The following PREX2 variants were observed in gnomAD, a reference collection of about 807,000 sequenced individuals.
PREX2 encodes phosphatidylinositol 3,4,5-trisphosphate-dependent Rac exchanger 2 protein.
PREX2 carries 107 observed loss-of-function variants against 203.2 expected under a neutral mutation model. That is an observed-to-expected ratio of 0.53 (90% CI 0.45 to 0.62). The LOEUF (loss-of-function observed/expected upper bound fraction) is 0.62. Among genes scored for constraint, PREX2 ranks in the 20% least tolerant of loss-of-function variants. PREX2 has a pLI of 0.00. For missense variants in PREX2, 1,777 were observed against 1,955.9 expected (o/e 0.91, Z 1.72); for synonymous variants, 672 against 663.6 (o/e 1.01, Z -0.19).
chr8:68,105,548 C>T (rs1475995693), intron 23 of PREX2: 3 of 1,117,472 alleles, frequency 2.7e-6, no homozygotes, highest in Non-Finnish European at 3.3e-6. Flanking sequence ...TTCTTGACAT[C>T]ACCCTATTCA....
At chr8:67,996,521 C>T (rs11785903) in intron 1 of PREX2, among the ~76,000 whole-genome samples, 74,726 of 151,844 alleles carry the variant, frequency 0.49, 18,750 homozygotes, top group South Asian at 0.61. Flanking sequence ...AGGTGTTCTT[C>T]ATATATTCTA....
intron 39 of PREX2, among the ~76,000 whole-genome samples, chr8:68,225,740 TTAATG>T (rs1251647426): frequency 1.3e-5 from 2 of 152,236 alleles, no homozygotes; most frequent in Admixed American, 1.3e-4. Context: ...TGAAGTTTTG[TTAATG>T]TCGTCTTTCA....
chr8:68,115,860 T>C lies in PREX2; in HGVS notation c.3254T>C (p.Val1085Ala). Residue 1085 changes from valine to alanine, a missense_variant, in exon 26 of 40, where the codon GTA becomes GCA. Val to Ala is a moderately conservative substitution (Grantham distance 64). Transcript: ENST00000288368. ...AAGGGAGAAAGAAACAGCAAACGGGTATGTTTTAATGTAGCAGGAGATGAA... is the reference window on the plus strand; with the variant it reads ...AAGGGAGAAAGAAACAGCAAACGGGCATGTTTTAATGTAGCAGGAGATGAA... ...NEKGERNSKR[V>A]CFNVAGDEQE... 6.2e-7 allele frequency: 1 copy of C among 1,613,920 alleles called. No individual in the cohort carries two copies. The highest frequency in any genetic ancestry group is 8.5e-7 in the Non-Finnish European group (1 of 1,179,902).
intron 1 of PREX2, among the ~76,000 whole-genome samples, chr8:67,974,344 A>G (rs1158332530): frequency 6.6e-6 from 1 of 152,202 alleles, no homozygotes; most frequent in Non-Finnish European, 1.5e-5. Flanking sequence ...GAGAGAAAAA[A>G]AGTAAAAGAA....
At chr8:68,130,883 A>G (rs897163262) in intron 31 of PREX2, among the ~76,000 whole-genome samples, 5 of 152,170 alleles carry the variant, frequency 3.3e-5, no homozygotes, top group African/African-American at 1.2e-4. Context: ...GGAGAGGGGA[A>G]TTTCACAAGG....
Position 68,053,176 on chromosome 8 carries a change from T to C in PREX2, c.1023T>C (p.Cys341=). 1.2e-6 allele frequency: 2 copies of C among 1,613,778 alleles called. No individual in the cohort carries two copies. Among genetic ancestry groups the C allele is most frequent in the Non-Finnish European group, 1.7e-6 (2 of 1,179,764 alleles). ...CAGCAAAAAATAAATGGTTTGTTTGTATGGCAAAAACACCTGAAGAGAAGC... is the reference window on the plus strand; with the variant it reads ...CAGCAAAAAATAAATGGTTTGTTTGCATGGCAAAAACACCTGAAGAGAAGC... ...HNTAKNKWFV[C]MAKTPEEKHE... is the part of the protein sequence containing the mutation. Residue 341 remains cysteine (C), a synonymous_variant, in exon 9 of 40, where the codon TGT becomes TGC. Transcript: ENST00000288368.
chr8:68,151,617 A>C (rs1811436619), intron 34 of PREX2, among the ~76,000 whole-genome samples: 1 of 152,080 alleles, frequency 6.6e-6, no homozygotes, highest in South Asian at 2.1e-4. Flanking sequence ...TATATAGTGA[A>C]TATAAAGTGT....
intron 33 of PREX2, among the ~76,000 whole-genome samples, chr8:68,140,753 T>G (rs1811213367): frequency 6.6e-6 from 1 of 152,198 alleles, no homozygotes; most frequent in African/African-American, 2.4e-5. Flanking sequence ...GATAATGTAT[T>G]TGAAAGACTC....
chr8:68,189,268 G>A (rs1432434720), intron 35 of PREX2, among the ~76,000 whole-genome samples: 1 of 152,188 alleles, frequency 6.6e-6, no homozygotes, highest in African/African-American at 2.4e-5. Context: ...AAAACGTCCA[G>A]TCTTCTGGCA....
At chr8:67,999,328 C>G (rs1319216996) in intron 1 of PREX2, among the ~76,000 whole-genome samples, 2 of 151,908 alleles carry the variant, frequency 1.3e-5, no homozygotes, top group Non-Finnish European at 2.9e-5. Flanking sequence ...CCATCAAAGA[C>G]TACTGTGAAT....
intron 25 of PREX2, among the ~76,000 whole-genome samples, chr8:68,112,288 G>A (rs993843836): frequency 6.6e-6 from 1 of 152,156 alleles, no homozygotes; most frequent in Non-Finnish European, 1.5e-5. Flanking sequence ...CAAGAAATAA[G>A]TAAAAGGAAA....
chr8:68,067,628 A>T (rs563941159), intron 11 of PREX2, among the ~76,000 whole-genome samples: 2 of 151,910 alleles, frequency 1.3e-5, no homozygotes, highest in East Asian at 1.9e-4. Flanking sequence ...TTTTGGTGGA[A>T]GTTATATGGT....
intron 34 of PREX2, among the ~76,000 whole-genome samples, chr8:68,155,782 A>G (rs1811531505): frequency 6.6e-6 from 1 of 152,096 alleles, no homozygotes; most frequent in Admixed American, 6.6e-5. Flanking sequence ...CCTGTGATTT[A>G]TTTCCTCTCC....
At chr8:68,129,394 C>T (rs1810958147) in intron 31 of PREX2, among the ~76,000 whole-genome samples, 1 of 152,006 alleles carries the variant, frequency 6.6e-6, no homozygotes, top group South Asian at 2.1e-4. Flanking sequence ...GCTTTATTTG[C>T]TCACCCTCTC....
At chr8:68,082,935 T>C (rs929870354) in intron 17 of PREX2, 3 of 212,472 alleles carry the variant, frequency 1.4e-5, no homozygotes, top group Non-Finnish European at 1.9e-5. Context: ...TTGATTATAG[T>C]TAAAAGGATG....
At chr8:68,150,799 G>A (rs188740364) in intron 34 of PREX2, among the ~76,000 whole-genome samples, 43 of 152,228 alleles carry the variant, frequency 2.8e-4, no homozygotes, top group African/African-American at 9.4e-4. Context: ...CCACAAGCTC[G>A]GTGGCTTAAA....
intron 7 of PREX2, among the ~76,000 whole-genome samples, chr8:68,043,006 G>A (rs1808243678): frequency 6.6e-6 from 1 of 152,016 alleles, no homozygotes; most frequent in Admixed American, 6.6e-5. Flanking sequence ...AATATGATTG[G>A]TTTTAAGTTA....
chr8:67,991,736 C>A (rs2129609494), intron 1 of PREX2, among the ~76,000 whole-genome samples: 1 of 152,242 alleles, frequency 6.6e-6, no homozygotes, highest in East Asian at 1.9e-4. Context: ...CTAACCATAT[C>A]AATGAGCAGA....
chr8:68,007,071 T>C (rs189791613), intron 1 of PREX2, among the ~76,000 whole-genome samples: 17 of 152,352 alleles, frequency 1.1e-4, no homozygotes, highest in African/African-American at 3.8e-4. Flanking sequence ...CAGCTGTCGA[T>C]GGAGCTGCAA....
Sources: gnomAD v4.1 joint callset for allele counts (sites outside exome capture counted in the v4.1 genomes callset) on GRCh38, gnomAD v4.1.1 for gene constraint, MANE v1.5 for transcripts, NCBI Gene and HGNC (gene_info 2026-07-23, HGNC 2026-07-21) for gene names.